ZBTB40: variants seen among roughly 807,000 people sequenced by gnomAD.
The protein encoded by ZBTB40 is zinc finger and BTB domain containing 40.
In ZBTB40, 60 loss-of-function variants were observed where a neutral mutation model predicts 117.5. That is an observed-to-expected ratio of 0.51 (90% CI 0.41 to 0.63). The LOEUF (loss-of-function observed/expected upper bound fraction) is 0.63, where lower values mean the gene tolerates loss of function less well. Ranked by LOEUF, ZBTB40 falls within the 30% of genes least tolerant of loss-of-function variation. The probability of loss-of-function intolerance (pLI) is 0.00; values close to 1 mark genes in which losing one functional copy is unlikely to be tolerated. For synonymous variants in ZBTB40, 525 were observed against 577.1 expected, an observed-to-expected ratio of 0.91 and a Z score of 1.29; for missense variants, 1,287 against 1,498.5, an observed-to-expected ratio of 0.86 and a Z score of 2.33.
chr1:22,511,785 G>A lies in ZBTB40; in HGVS notation c.2112G>A (p.Gln704=). The change falls in exon 11 of 18, where the codon CAG becomes CAA. Residue 704 remains glutamine, a synonymous_variant. Coordinates refer to ENST00000375647, the MANE Select transcript of ZBTB40 (RefSeq NM_014870.4). ...AAAAGGCAGCCAAAGAAGACAGCCA[G>A]CCTGGGGAACAGAATGATCAAGGAG... The part of the protein sequence containing the change: ...EDEKAAKEDS[Q]PGEQNDQGET... The A allele has an allele frequency of 1.2e-6, 2 of 1,612,268 alleles. No homozygotes were observed. Among genetic ancestry groups the A allele is most frequent in the South Asian group, 2.2e-5 (2 of 90,704 alleles).
intron 1 of ZBTB40, among the ~76,000 whole-genome samples, chr1:22,463,923 TC>T (rs1415103311): frequency 6.6e-6 from 1 of 152,240 alleles, no homozygotes; most frequent in Non-Finnish European, 1.5e-5. Flanking sequence ...TATAGGCACA[TC>T]AGGAATCAGA....
At chr1:22,522,280 A>G in intron 15 of ZBTB40, 97 bp from the exon 16 acceptor site, 1 of 1,113,452 alleles carries the variant, frequency 9.0e-7, no homozygotes, top group East Asian at 2.3e-5. Context: ...CTTGCTAAGT[A>G]TTGGCCATCG....
At chr1:22,498,273 T>G (rs1638831847) in intron 3 of ZBTB40, among the ~76,000 whole-genome samples, 3 of 152,240 alleles carry the variant, frequency 2.0e-5, no homozygotes. Flanking sequence ...TCTGTTTTGG[T>G]TCAGCTTTTG....
chr1:22,492,682 G>A (rs1638665241), intron 3 of ZBTB40, among the ~76,000 whole-genome samples: 2 of 152,172 alleles, frequency 1.3e-5, no homozygotes, highest in African/African-American at 4.8e-5. Context: ...TCAAGGTCTA[G>A]TATTTATTTT....
At chr1:22,472,674 G>A (rs143134976) in intron 1 of ZBTB40, among the ~76,000 whole-genome samples, 4 of 152,304 alleles carry the variant, frequency 2.6e-5, no homozygotes, top group African/African-American at 9.6e-5. Flanking sequence ...CATATATTGT[G>A]TCATGAGCCA....
At chr1:22,469,842 T>C (rs1214329472) in intron 1 of ZBTB40, among the ~76,000 whole-genome samples, 2 of 152,168 alleles carry the variant, frequency 1.3e-5, no homozygotes, top group East Asian at 3.9e-4. Context: ...CGGCCCCACC[T>C]TATAGTTCTA....
At chr1:22,487,725 A>G (rs1212469499) in intron 1 of ZBTB40, among the ~76,000 whole-genome samples, 1 of 152,030 alleles carries the variant, frequency 6.6e-6, no homozygotes, top group Non-Finnish European at 1.5e-5. Context: ...AATTCTGTAC[A>G]CATGTTACTT....
At chr1:22,490,690 C>T in intron 2 of ZBTB40, 45 bp downstream of exon 2, 1 of 1,599,752 alleles carries the variant, frequency 6.3e-7, no homozygotes, top group Non-Finnish European at 8.5e-7. Flanking sequence ...TTTCAATGAT[C>T]TTTATCAGTT....
Position 22,502,320 on chromosome 1 carries a change from C to A in ZBTB40, c.1046C>A (p.Thr349Asn). Reference protein sequence around the residue: ...QPKGSTEEGKTLSVLLLEHKE... With the variant: ...QPKGSTEEGKNLSVLLLEHKE... ...CCAGGGAGCACAGAGGAGGGAAAGA[C>A]CTTGTCTGTTCTGTTACTAGAACAC... is the stretch of plus-strand genomic sequence containing the variant. Residue 349 changes from threonine (T) to asparagine (N), a missense_variant, in exon 5 of 18, where the codon ACC becomes AAC. Coordinates refer to ENST00000375647, the MANE Select transcript of ZBTB40 (RefSeq NM_014870.4). The A allele has an allele frequency of 6.2e-7, 1 of 1,613,798 alleles. No homozygotes were observed.
Position 22,432,476 on chromosome 1 carries a change from C to G in ZBTB40, c.-70+3462C>G, listed in dbSNP as rs187725140. Among the ~76,000 whole-genome samples the G allele has an allele frequency of 3.3e-5, 5 of 152,302 alleles. No individual in the cohort carries two copies. In the East Asian group the frequency reaches 9.6e-4, roughly 29 times the overall value. On this transcript the variant is annotated intron_variant, in intron 1 of 8. Coordinates refer to the ZBTB40 transcript ENST00000650433. ...CGACCACTTGCCAAATGTGTCACTTCTATTTAAATACAAGTTAACATGAAG... is the reference window on the plus strand; with the variant it reads ...CGACCACTTGCCAAATGTGTCACTTGTATTTAAATACAAGTTAACATGAAG...
At chr1:22,445,826 G>A (rs1000800686) in intron 1 of ZBTB40, among the ~76,000 whole-genome samples, 6 of 143,598 alleles carry the variant, frequency 4.2e-5, no homozygotes, top group African/African-American at 1.6e-4. Context: ...CTGCACTCCA[G>A]CCTGGGCAAT....
intron 1 of ZBTB40, among the ~76,000 whole-genome samples, chr1:22,455,641 C>G (rs529118896): frequency 1.3e-5 from 2 of 152,228 alleles, no homozygotes; most frequent in African/African-American, 4.8e-5. Flanking sequence ...CTGTTGGGTT[C>G]CAGTAAAGAG....
chr1:22,472,154 C>T (rs1232443111), intron 1 of ZBTB40, among the ~76,000 whole-genome samples: 1 of 151,008 alleles, frequency 6.6e-6, no homozygotes, highest in African/African-American at 2.4e-5. Context: ...CGAGATTGTA[C>T]TAGATGTCAA....
At chr1:22,479,938 ACT>A (rs1638243050) in intron 1 of ZBTB40, among the ~76,000 whole-genome samples, 1 of 151,784 alleles carries the variant, frequency 6.6e-6, no homozygotes, top group African/African-American at 2.4e-5. Flanking sequence ...ACAGAGTCTC[ACT>A]CTGTCGCTGA....
At chr1:22,444,694 G>A (rs767395870) in intron 1 of ZBTB40, among the ~76,000 whole-genome samples, 1 of 152,162 alleles carries the variant, frequency 6.6e-6, no homozygotes, top group African/African-American at 2.4e-5. Context: ...CCAAGTGCTG[G>A]CAGGCCACTG....
intron 11 of ZBTB40, among the ~76,000 whole-genome samples, chr1:22,512,666 A>G (rs1457585974): frequency 6.6e-6 from 1 of 152,174 alleles, no homozygotes; most frequent in African/African-American, 2.4e-5. Context: ...AGAGAAGGGA[A>G]TGGGGAAGAT....
intron 1 of ZBTB40, among the ~76,000 whole-genome samples, chr1:22,434,089 G>A (rs1203200286): frequency 6.6e-6 from 1 of 152,114 alleles, no homozygotes; most frequent in Non-Finnish European, 1.5e-5. Flanking sequence ...GCAATGGATG[G>A]GAATGCCCGT....
At chr1:22,475,397 C>T (rs1021757984) in intron 1 of ZBTB40, among the ~76,000 whole-genome samples, 1 of 152,202 alleles carries the variant, frequency 6.6e-6, no homozygotes, top group Non-Finnish European at 1.5e-5. Context: ...CTGGCCATCC[C>T]AGTGTCCATA....
chr1:22,511,483 A>G (rs1639231446), intron 10 of ZBTB40, 136 bp downstream of exon 10: 1 of 1,348,332 alleles, frequency 7.4e-7, no homozygotes, highest in Non-Finnish European at 1.0e-6. Flanking sequence ...TGAATACCTA[A>G]AAAAGTCATG....
Sources: allele counts gnomAD v4.1 joint callset (sites outside exome capture counted in the v4.1 genomes callset), GRCh38; gene constraint gnomAD v4.1.1; transcripts MANE v1.5; gene names NCBI Gene and HGNC (gene_info 2026-07-23, HGNC 2026-07-21).